The following USP15 variants were observed in gnomAD, a reference collection of about 807,000 sequenced individuals.
USP15 encodes the protein ubiquitin specific peptidase 15.
USP15 carries 18 observed loss-of-function variants against 127.1 expected under a neutral mutation model. The observed-to-expected ratio is 0.14, with a 90% confidence interval of 0.10 to 0.21. The LOEUF (loss-of-function observed/expected upper bound fraction) is 0.21, where lower values mean the gene tolerates loss of function less well. Among genes scored for constraint, USP15 ranks in the 10% least tolerant of loss-of-function variants. The pLI is 1.00. For missense variants in USP15, 805 were observed against 1,159.9 expected (o/e 0.69, Z 4.44); for synonymous variants, 364 against 393.7 (o/e 0.92, Z 0.89).
intron 1 of USP15, among the ~76,000 whole-genome samples, chr12:62,261,558 A>G (rs2063058873): frequency 6.6e-6 from 1 of 152,236 alleles, no homozygotes; most frequent in Admixed American, 6.5e-5. Context: ...TCACCACTCA[A>G]CTTGCAGTAT....
At chr12:62,360,284 A>G (rs922997208) in intron 8 of USP15, among the ~76,000 whole-genome samples, 1 of 152,144 alleles carries the variant, frequency 6.6e-6, no homozygotes, top group African/African-American at 2.4e-5. Flanking sequence ...TATTCCTGTC[A>G]TAATATATAA....
intron 6 of USP15, among the ~76,000 whole-genome samples, chr12:62,327,949 T>C (rs1434539050): frequency 8.2e-6 from 1 of 122,328 alleles, no homozygotes; most frequent in Non-Finnish European, 1.9e-5. Flanking sequence ...AAATAATAAT[T>C]TACTGTAATA....
intron 21 of USP15, among the ~76,000 whole-genome samples, chr12:62,402,025 T>G (rs1044800097): frequency 1.7e-4 from 26 of 151,790 alleles, no homozygotes; most frequent in African/African-American, 6.3e-4. Flanking sequence ...AACCACATTT[T>G]TTGTTTATAT....
At chr12:62,289,215 C>CTTGTTGTTGTTG (rs143937716) in intron 1 of USP15, among the ~76,000 whole-genome samples, 10,122 of 150,612 alleles carry the variant, frequency 0.067, 417 homozygotes, top group Middle Eastern at 0.14. Flanking sequence ...CTCTCCTGAG[C>CTTGTTGTTGTTG]TTGTTGTTGT....
chr12:62,307,380 T>G (rs1339882962), intron 3 of USP15, among the ~76,000 whole-genome samples: 1 of 152,158 alleles, frequency 6.6e-6, no homozygotes, highest in African/African-American at 2.4e-5. Context: ...TTTGTCCAGG[T>G]AGATTTCATA....
intron 2 of USP15, among the ~76,000 whole-genome samples, chr12:62,296,240 G>T (rs1163278366): frequency 7.9e-5 from 12 of 152,154 alleles, no homozygotes; most frequent in Admixed American, 7.9e-4. Flanking sequence ...TCAGATAAGA[G>T]CCCAGCAGGG....
intron 1 of USP15, among the ~76,000 whole-genome samples, 172 bp from the exon 2 acceptor site, chr12:62,294,007 T>C (rs1354228911): frequency 6.6e-6 from 1 of 152,216 alleles, no homozygotes; most frequent in Non-Finnish European, 1.5e-5. Context: ...GGAATAATAC[T>C]TTATACAAAT....
chr12:62,346,043 G>C lies in USP15; in HGVS notation c.684-3178G>C, dbSNP rs532453136. 4.9e-4 allele frequency among the ~76,000 whole-genome samples: 74 copies of C among 152,244 alleles called. 2 individuals are homozygous for C. The highest frequency in any genetic ancestry group is 1.7e-3 in the African/African-American group (72 of 41,552). On this transcript the variant is annotated intron_variant, in intron 6 of 21. Transcript: ENST00000280377. ...AATAGTCAAGTTCACATAACCACACGTAGTCGTTTCCTAACGTAAAAGAGA... is the reference window on the plus strand; with the variant it reads ...AATAGTCAAGTTCACATAACCACACCTAGTCGTTTCCTAACGTAAAAGAGA...
intron 1 of USP15, among the ~76,000 whole-genome samples, chr12:62,271,759 A>G (rs73135251): frequency 0.08 from 12,151 of 151,930 alleles, 595 homozygotes; most frequent in Middle Eastern, 0.16. Flanking sequence ...TTAAGATATT[A>G]ATGGTCATGT....
At chr12:62,329,681 G>T (rs1466355191) in intron 6 of USP15, among the ~76,000 whole-genome samples, 1 of 152,104 alleles carries the variant, frequency 6.6e-6, no homozygotes, top group East Asian at 1.9e-4. Flanking sequence ...GTGCTAACAG[G>T]TAGATGAGAA....
At chr12:62,262,007 G>A (rs535267520) in intron 1 of USP15, among the ~76,000 whole-genome samples, 53 of 152,284 alleles carry the variant, frequency 3.5e-4, no homozygotes, top group African/African-American at 1.2e-3. Context: ...GGGAGGCCGA[G>A]GAGGGAGGAT....
intron 21 of USP15, among the ~76,000 whole-genome samples, chr12:62,402,812 T>C (rs1039276604): frequency 2.6e-5 from 4 of 152,068 alleles, no homozygotes; most frequent in African/African-American, 9.7e-5. Flanking sequence ...TTAACATTTC[T>C]CTGAGAACAT....
intron 1 of USP15, among the ~76,000 whole-genome samples, chr12:62,283,871 A>G (rs1338298271): frequency 6.6e-6 from 1 of 152,128 alleles, no homozygotes; most frequent in Non-Finnish European, 1.5e-5. Flanking sequence ...GAACCTGGGA[A>G]GTGGAGGTTG....
intron 3 of USP15, among the ~76,000 whole-genome samples, chr12:62,311,111 G>C (rs751489900): frequency 2.0e-5 from 3 of 151,748 alleles, no homozygotes; most frequent in Non-Finnish European, 4.4e-5. Context: ...GTATATTCTG[G>C]ATATTAATCC....
Position 62,409,343 on chromosome 12 carries a change from A to C in USP15, c.*4968A>C, listed in dbSNP as rs2067980486. 1 of 152,194 alleles carries C rather than the reference A, an allele frequency of 6.6e-6. No homozygotes were observed. Among genetic ancestry groups the C allele is most frequent in the Non-Finnish European group, 1.5e-5 (1 of 68,022 alleles). The allele number at this position is 152,194 out of a possible 1,614,324, so 9.4% of individuals were successfully genotyped here. On this transcript the variant is annotated 3_prime_UTR_variant, in exon 22 of 22. Transcript: ENST00000280377. ...AGTCTCAAAGGACAGAGAGAAAATC[A>C]GTCAAATGGGTTTTGATATTTTTTT...
At chr12:62,359,705 TA>T (rs1350314177) in intron 8 of USP15, among the ~76,000 whole-genome samples, 2 of 152,238 alleles carry the variant, frequency 1.3e-5, no homozygotes, top group African/African-American at 4.8e-5. Flanking sequence ...GAATGGTATT[TA>T]TCAACCCTTT....
chr12:62,380,221 ATAT>A (rs959726743), intron 8 of USP15, among the ~76,000 whole-genome samples: 3 of 151,672 alleles, frequency 2.0e-5, no homozygotes, highest in Admixed American at 1.3e-4. Context: ...ATAATAAATA[ATAT>A]TATTTTTATT....
chr12:62,356,390 G>A (rs2066131764), intron 8 of USP15, among the ~76,000 whole-genome samples: 2 of 151,868 alleles, frequency 1.3e-5, no homozygotes, highest in African/African-American at 2.4e-5. Context: ...AGAAAAGGAT[G>A]ACTCTTCACC....
chr12:62,319,088 C>T (rs540456587), intron 4 of USP15, among the ~76,000 whole-genome samples: 14 of 152,020 alleles, frequency 9.2e-5, no homozygotes, highest in Non-Finnish European at 1.6e-4. Flanking sequence ...TTCCATAGGC[C>T]GTACAGGAAG....
Sources: gnomAD v4.1 joint callset for allele counts (sites outside exome capture counted in the v4.1 genomes callset) on GRCh38, gnomAD v4.1.1 for gene constraint, MANE v1.5 for transcripts, NCBI Gene and HGNC (gene_info 2026-07-23, HGNC 2026-07-21) for gene names.